The following HIVEP3 variants were observed in gnomAD, a reference collection of about 807,000 sequenced individuals.
The protein encoded by HIVEP3 is HIVEP zinc finger 3.
A neutral mutation model predicts 152.8 loss-of-function variants in HIVEP3; 49 were observed. The observed-to-expected ratio is 0.32, with a 90% CI of 0.26 to 0.41. HIVEP3 has a LOEUF of 0.41. HIVEP3 is among the 10% of genes least tolerant of loss of function. The probability of loss-of-function intolerance (pLI) is 1.00; values close to 1 mark genes in which losing one functional copy is unlikely to be tolerated. For missense variants in HIVEP3, 2,790 were observed against 3,103.3 expected (o/e 0.90, Z 2.40); for synonymous variants, 1,269 against 1,289.0 (o/e 0.98, Z 0.33).
At chr1:42,016,308 T>C (rs1175532334) in intron 1 of HIVEP3, among the ~76,000 whole-genome samples, 2 of 152,084 alleles carry the variant, frequency 1.3e-5, no homozygotes, top group African/African-American at 2.4e-5. Flanking sequence ...CAGATAAAGG[T>C]GGACAGACAG....
intron 1 of HIVEP3, among the ~76,000 whole-genome samples, chr1:41,926,649 G>A (rs1416194894): frequency 6.6e-6 from 1 of 152,188 alleles, no homozygotes; most frequent in East Asian, 1.9e-4. Context: ...CAGTCACTGT[G>A]CTGGGAACTT....
intron 1 of HIVEP3, among the ~76,000 whole-genome samples, chr1:41,858,680 C>A (rs1425570155): frequency 6.6e-6 from 1 of 152,240 alleles, no homozygotes; most frequent in East Asian, 1.9e-4. Context: ...TACAATCCAG[C>A]GGGTGAAACA....
intron 1 of HIVEP3, among the ~76,000 whole-genome samples, chr1:42,014,307 G>A (rs918453983): frequency 6.6e-6 from 1 of 152,016 alleles, no homozygotes; most frequent in Non-Finnish European, 1.5e-5. Context: ...GAGAAAGAAG[G>A]GACCAAAGGC....
intron 1 of HIVEP3, among the ~76,000 whole-genome samples, chr1:41,933,144 A>G (rs908659210): frequency 6.6e-6 from 1 of 152,078 alleles, no homozygotes; most frequent in African/African-American, 2.4e-5. Context: ...AAGTGTTGTC[A>G]TGTAAAGTAT....
At chr1:41,922,537 A>C (rs895669262), upstream of HIVEP3, among the ~76,000 whole-genome samples, 1 of 152,210 alleles carries the variant, frequency 6.6e-6, no homozygotes, top group African/African-American at 2.4e-5. Flanking sequence ...TCAAGAAAGG[A>C]GAAGATATGT....
chr1:41,805,103 G>A (rs1169906833), intron 1 of HIVEP3, among the ~76,000 whole-genome samples: 3 of 152,206 alleles, frequency 2.0e-5, no homozygotes, highest in African/African-American at 7.2e-5. Context: ...TTGGGAGGCT[G>A]AGGCGGGCAC....
chr1:41,791,444 T>C (rs894664190), intron 1 of HIVEP3, among the ~76,000 whole-genome samples: 1 of 152,240 alleles, frequency 6.6e-6, no homozygotes, highest in Admixed American at 6.5e-5. Flanking sequence ...AGAAGGCTCA[T>C]TGAAAGGAGC....
rs1644405945 is a variant in HIVEP3 at position 41,508,417 on chromosome 1, G to A, written c.*2034C>T. ...CCAGCAATATGGACAGTGTGGTCCA[G>A]GCTGGGCTTGCTGCTTCTCTTGGGG... On this transcript the variant is annotated 3_prime_UTR_variant, in exon 9 of 9. Transcript: ENST00000372583. 1 of 152,298 alleles carries A rather than the reference G, an allele frequency of 6.6e-6. No individual in the cohort carries two copies. The highest frequency in any genetic ancestry group is 6.5e-5 in the Admixed American group (1 of 15,290). 9.4% of individuals were successfully genotyped at this position (152,298 alleles called of 1,614,324 possible).
chr1:42,033,121 T>G (rs1018740034), intron 1 of HIVEP3, among the ~76,000 whole-genome samples: 6 of 151,902 alleles, frequency 3.9e-5, no homozygotes, highest in African/African-American at 1.5e-4. Context: ...GGAGTTAAAC[T>G]AAATGACTTT....
intron 3 of HIVEP3, among the ~76,000 whole-genome samples, chr1:41,602,624 CT>C (rs34320518): frequency 1.3e-5 from 2 of 151,998 alleles, no homozygotes; most frequent in East Asian, 3.8e-4. Context: ...AGTCTCCTCT[CT>C]TTTTTTCTAG....
At chr1:42,017,575 T>C (rs1645530910) in intron 1 of HIVEP3, among the ~76,000 whole-genome samples, 1 of 152,148 alleles carries the variant, frequency 6.6e-6, no homozygotes, top group Non-Finnish European at 1.5e-5. Flanking sequence ...GTTTGTGACA[T>C]ACGCCCATGT....
At chr1:41,651,775 A>T (rs188723545) in intron 2 of HIVEP3, among the ~76,000 whole-genome samples, 261 of 152,338 alleles carry the variant, frequency 1.7e-3, no homozygotes, top group Admixed American at 3.5e-3. Context: ...CTATTTTTTA[A>T]AAATTTTTTT....
At chr1:41,966,671 C>T (rs1389013491) in intron 1 of HIVEP3, among the ~76,000 whole-genome samples, 6 of 148,774 alleles carry the variant, frequency 4.0e-5, no homozygotes, top group African/African-American at 7.4e-5. Context: ...TTAGTAGAGA[C>T]GGGGTTTCAC....
intron 1 of HIVEP3, among the ~76,000 whole-genome samples, chr1:41,717,141 G>A (rs150999727): frequency 2.6e-5 from 4 of 152,168 alleles, no homozygotes; most frequent in Non-Finnish European, 5.9e-5. Flanking sequence ...TCTGGGTCTC[G>A]TGGGAGTTCA....
At chr1:41,888,641 A>C (rs1483895430) in intron 1 of HIVEP3, among the ~76,000 whole-genome samples, 1 of 151,852 alleles carries the variant, frequency 6.6e-6, no homozygotes, top group East Asian at 1.9e-4. Flanking sequence ...AATAAGGAGG[A>C]TAAATTAGCT....
chr1:41,739,103 G>A (rs1359162712), intron 1 of HIVEP3, among the ~76,000 whole-genome samples: 1 of 152,228 alleles, frequency 6.6e-6, no homozygotes, highest in Non-Finnish European at 1.5e-5. Context: ...AACGTGAATC[G>A]ATGCCCCCGA....
intron 2 of HIVEP3, among the ~76,000 whole-genome samples, chr1:41,681,275 G>A (rs1214312409): frequency 6.6e-6 from 1 of 152,156 alleles, no homozygotes; most frequent in Admixed American, 6.5e-5. Context: ...TATATCTTCT[G>A]TAGAGACAGC....
At chr1:41,554,329 A>C (rs1643933146) in intron 5 of HIVEP3, among the ~76,000 whole-genome samples, 1 of 152,114 alleles carries the variant, frequency 6.6e-6, no homozygotes, top group Admixed American at 6.5e-5. Context: ...CATGGTTTTC[A>C]GCTCCAACAG....
chr1:41,526,595 C>A (rs1380247314), intron 5 of HIVEP3, among the ~76,000 whole-genome samples: 1 of 90,996 alleles, frequency 1.1e-5, no homozygotes, highest in Non-Finnish European at 2.2e-5. Context: ...ACACTCACAC[C>A]CTTACACCTG....
Sources: allele counts gnomAD v4.1 joint callset (sites outside exome capture counted in the v4.1 genomes callset), GRCh38; gene constraint gnomAD v4.1.1; transcripts MANE v1.5; gene names NCBI Gene and HGNC (gene_info 2026-07-23, HGNC 2026-07-21).